Variants in MAST4 observed in about 807,000 individuals in gnomAD.
MAST4 encodes the protein microtubule-associated serine/threonine-protein kinase 4.
Under a neutral mutation model 162.7 loss-of-function variants are expected in MAST4, and 89 were observed. The ratio of observed to expected loss-of-function variants is 0.55; its 90% CI spans 0.46 to 0.65. The LOEUF (loss-of-function observed/expected upper bound fraction) is 0.65. Among genes scored for constraint, MAST4 ranks in the 30% least tolerant of loss-of-function variants. The probability of loss-of-function intolerance (pLI) is 0.00; values close to 1 mark genes in which losing one functional copy is unlikely to be tolerated. For missense variants in MAST4, 3,153 were observed against 3,374.0 expected, an observed-to-expected ratio of 0.93 and a Z score of 1.62; for synonymous variants, 1,479 against 1,361.1, an observed-to-expected ratio of 1.09 and a Z score of -1.91.
At chr5:66,777,102 A>G (rs993975410) in intron 2 of MAST4, among the ~76,000 whole-genome samples, 52 of 152,326 alleles carry the variant, frequency 3.4e-4, no homozygotes, top group African/African-American at 1.2e-3. Flanking sequence ...AGAGAGGTCA[A>G]GGTATTTATC....
At chr5:66,785,288 A>T (rs559059360) in intron 2 of MAST4, among the ~76,000 whole-genome samples, 1 of 152,324 alleles carries the variant, frequency 6.6e-6, no homozygotes, top group South Asian at 2.1e-4. Context: ...CCTGATGCCA[A>T]GCCTGTGGTT....
At chr5:66,888,374 C>T (rs377373964) in intron 3 of MAST4, among the ~76,000 whole-genome samples, 5 of 152,036 alleles carry the variant, frequency 3.3e-5, no homozygotes, top group African/African-American at 1.2e-4. Flanking sequence ...TCAAGAGGTC[C>T]CTTGAGCTGA....
chr5:66,597,626 C>T (rs978983088), intron 1 of MAST4, among the ~76,000 whole-genome samples: 1 of 152,214 alleles, frequency 6.6e-6, no homozygotes, highest in Non-Finnish European at 1.5e-5. Context: ...CCTGCAGCTC[C>T]CGTTCAGACT....
intron 7 of MAST4, among the ~76,000 whole-genome samples, chr5:67,098,386 G>T (rs1444423585): frequency 6.6e-6 from 1 of 152,096 alleles, no homozygotes; most frequent in Non-Finnish European, 1.5e-5. Flanking sequence ...TTTCCAATGT[G>T]ATATTCAGAT....
chr5:66,653,459 T>C (rs1746355954), intron 1 of MAST4, among the ~76,000 whole-genome samples: 2 of 152,210 alleles, frequency 1.3e-5, no homozygotes. Context: ...AGCATGACAT[T>C]GCCTACTCAG....
intron 1 of MAST4, among the ~76,000 whole-genome samples, chr5:66,614,790 C>T (rs377697622): frequency 1.6e-4 from 24 of 152,256 alleles, no homozygotes; most frequent in East Asian, 1.5e-3. Flanking sequence ...AGGGACCTCA[C>T]GGGACACATG....
At chr5:66,923,431 C>A (rs1228310377) in intron 4 of MAST4, among the ~76,000 whole-genome samples, 1 of 152,166 alleles carries the variant, frequency 6.6e-6, no homozygotes, top group East Asian at 1.9e-4. Flanking sequence ...GAGCCTTCAA[C>A]ATGAAGGCTG....
chr5:67,073,334 C>A (rs1338827020), intron 5 of MAST4, among the ~76,000 whole-genome samples: 1 of 152,128 alleles, frequency 6.6e-6, no homozygotes, highest in Non-Finnish European at 1.5e-5. Context: ...CTTATTATTG[C>A]ATTGTTTCAA....
intron 4 of MAST4, among the ~76,000 whole-genome samples, chr5:66,909,848 G>A (rs1450944784): frequency 6.6e-6 from 1 of 152,168 alleles, no homozygotes; most frequent in Non-Finnish European, 1.5e-5. Context: ...TGGTGAATAA[G>A]TCTCACAAGA....
chr5:66,789,953 C>G (rs527815390), intron 3 of MAST4, among the ~76,000 whole-genome samples: 3 of 144,722 alleles, frequency 2.1e-5, no homozygotes, highest in Admixed American at 6.9e-5. Flanking sequence ...ATTTTTACCC[C>G]GGTGTAGACC....
intron 3 of MAST4, chr5:66,828,974 G>A (rs887528066): frequency 1.2e-5 from 12 of 1,008,582 alleles, no homozygotes; most frequent in Admixed American, 2.0e-5. Context: ...TACTGGGCAC[G>A]AATATGTGCA....
At chr5:66,824,332 TCTCTGTCACACTC>T (rs541502286) in intron 3 of MAST4, among the ~76,000 whole-genome samples, 131 of 152,290 alleles carry the variant, frequency 8.6e-4, no homozygotes, top group African/African-American at 3.0e-3. Flanking sequence ...GTGGTACTCC[TCTCTGTCACACTC>T]CTCTGTCACT....
intron 3 of MAST4, among the ~76,000 whole-genome samples, chr5:66,875,370 A>G (rs78159006): frequency 0.012 from 1,763 of 152,316 alleles, 34 homozygotes; most frequent in African/African-American, 0.04. Context: ...GTGTTTTTAC[A>G]TCAGTCATCC....
At chr5:66,855,581 A>C (rs1759620897) in intron 3 of MAST4, among the ~76,000 whole-genome samples, 1 of 152,228 alleles carries the variant, frequency 6.6e-6, no homozygotes, top group Admixed American at 6.5e-5. Flanking sequence ...AGCAGGAATG[A>C]GGGAGGAGAG....
chr5:66,761,301 T>C (rs978087634), intron 2 of MAST4, among the ~76,000 whole-genome samples: 6 of 152,240 alleles, frequency 3.9e-5, no homozygotes, highest in African/African-American at 1.4e-4. Context: ...ACTCACAAAT[T>C]ATTTTTGACT....
At chr5:66,788,607 C>CCCCCCCCAAAA in intron 2 of MAST4, 63 bp from the exon 3 acceptor site, 1 of 1,373,728 alleles carries the variant, frequency 7.3e-7, no homozygotes, top group South Asian at 1.2e-5. Flanking sequence ...CCCCCACCCC[C>CCCCCCCCAAAA]ATTGCAATAA....
chr5:66,757,625 AG>A, intron 1 of MAST4, among the ~76,000 whole-genome samples: 1 of 103,054 alleles, frequency 9.7e-6, no homozygotes, highest in African/African-American at 4.4e-5. Flanking sequence ...GGCATGTTGA[AG>A]TATTGAAGTA....
intron 1 of MAST4, among the ~76,000 whole-genome samples, chr5:66,684,208 G>A (rs1320732114): frequency 6.6e-6 from 1 of 152,164 alleles, no homozygotes; most frequent in African/African-American, 2.4e-5. Flanking sequence ...CATCCAAATA[G>A]GGCACAGATC....
intron 2 of MAST4, among the ~76,000 whole-genome samples, chr5:66,785,116 A>G (rs571460546): frequency 6.6e-6 from 1 of 152,304 alleles, no homozygotes; most frequent in South Asian, 2.1e-4. Context: ...CTGTAATCCC[A>G]GCTACTTGGG....
Sources: gnomAD v4.1 joint callset for allele counts (sites outside exome capture counted in the v4.1 genomes callset) on GRCh38, gnomAD v4.1.1 for gene constraint, MANE v1.5 for transcripts, NCBI Gene and HGNC (gene_info 2026-07-23, HGNC 2026-07-21) for gene names.